Variants in VWC2L observed in about 807,000 individuals in gnomAD.
VWC2L encodes von Willebrand factor C domain-containing protein 2-like.
VWC2L carries 10 observed loss-of-function variants against 21.6 expected under a neutral mutation model. That is an observed-to-expected ratio of 0.46 (90% CI 0.29 to 0.78). VWC2L has a LOEUF of 0.78. Among genes scored for constraint, VWC2L ranks in the 30% least tolerant of loss-of-function variants. VWC2L has a pLI of 0.10. For missense variants in VWC2L, 209 were observed against 277.1 expected (o/e 0.75, Z 1.74); for synonymous variants, 96 against 94.3 (o/e 1.02, Z -0.10).
chr2:214,507,291 T>G (rs1344138140), intron 3 of VWC2L, among the ~76,000 whole-genome samples: 2 of 152,212 alleles, frequency 1.3e-5, no homozygotes, highest in Non-Finnish European at 2.9e-5. Flanking sequence ...CATAATCAGA[T>G]AGTTTAATTT....
At chr2:214,560,755 G>T (rs539700481) in intron 3 of VWC2L, among the ~76,000 whole-genome samples, 1 of 152,056 alleles carries the variant, frequency 6.6e-6, no homozygotes, top group Non-Finnish European at 1.5e-5. Flanking sequence ...AAATGGTTCC[G>T]AATGCCAAGT....
intron 3 of VWC2L, among the ~76,000 whole-genome samples, chr2:214,555,657 G>C (rs866653478): frequency 1.3e-5 from 2 of 152,160 alleles, no homozygotes; most frequent in Non-Finnish European, 2.9e-5. Flanking sequence ...CCTGATCGCT[G>C]TTGTCTCTAC....
At chr2:214,552,934 T>G (rs993604970) in intron 3 of VWC2L, among the ~76,000 whole-genome samples, 23 of 152,224 alleles carry the variant, frequency 1.5e-4, no homozygotes, top group Non-Finnish European at 8.8e-5. Flanking sequence ...CTCTTTTATA[T>G]TTCTCTTCTC....
At chr2:214,503,894 A>C (rs1166374129) in intron 3 of VWC2L, among the ~76,000 whole-genome samples, 2 of 152,214 alleles carry the variant, frequency 1.3e-5, no homozygotes, top group Non-Finnish European at 2.9e-5. Flanking sequence ...TTGGCTCTGT[A>C]ATCAGCAGCT....
chr2:214,516,487 G>C (rs1347851357), intron 3 of VWC2L, among the ~76,000 whole-genome samples: 1 of 152,102 alleles, frequency 6.6e-6, no homozygotes, highest in African/African-American at 2.4e-5. Context: ...AGGCAGTTTT[G>C]TCACAATTTA....
At position 214,544,552 on chromosome 2, in the gene VWC2L, A is replaced by G. The variant is rs150679947; in HGVS notation, c.521-31120A>G. On this transcript the variant is annotated intron_variant, in intron 3 of 3. Transcript: ENST00000312504. Reference sequence around the variant, plus strand: ...ACTGGTACGCTTGTTACTCCCTGATATAGGATGCCATCCTCATTATAGGAT... The same window carrying G: ...ACTGGTACGCTTGTTACTCCCTGATGTAGGATGCCATCCTCATTATAGGAT... Among the ~76,000 whole-genome samples, 565 of 152,224 alleles carry G rather than the reference A, an allele frequency of 3.7e-3. 2 individuals carry two copies. The highest frequency in any genetic ancestry group is 0.013 in the African/African-American group (525 of 41,530).
chr2:214,517,504 G>A (rs1182320535), intron 3 of VWC2L, among the ~76,000 whole-genome samples: 2 of 152,164 alleles, frequency 1.3e-5, no homozygotes, highest in Non-Finnish European at 2.9e-5. Flanking sequence ...ATGAGATCCA[G>A]GTGTCAGTAT....
intron 3 of VWC2L, among the ~76,000 whole-genome samples, chr2:214,531,634 C>T (rs1179046525): frequency 6.6e-6 from 1 of 152,030 alleles, no homozygotes; most frequent in Non-Finnish European, 1.5e-5. Flanking sequence ...GAAGTGGTTT[C>T]CTTCACATTA....
chr2:214,558,540 C>A (rs1396820717), intron 3 of VWC2L, among the ~76,000 whole-genome samples: 1 of 152,212 alleles, frequency 6.6e-6, no homozygotes, highest in Non-Finnish European at 1.5e-5. Flanking sequence ...CACATTCAGT[C>A]TACCACCAAC....
Position 214,419,951 on chromosome 2 carries a change from C to T in VWC2L, c.390+5368C>T, listed in dbSNP as rs1306612868. Among the ~76,000 whole-genome samples the T allele has an allele frequency of 2.6e-5, 4 of 151,968 alleles. No homozygotes were observed. In the South Asian group the frequency reaches 6.2e-4, roughly 24 times the overall value. Reference sequence around the variant, plus strand: ...GCGGGCACCTCTAGTCCCAGCTACTCGGGAGGCTGAGGCAGGAGAATCGCT... The same window carrying T: ...GCGGGCACCTCTAGTCCCAGCTACTTGGGAGGCTGAGGCAGGAGAATCGCT... On this transcript the variant is annotated intron_variant, in intron 2 of 3. Transcript: ENST00000312504.
intron 3 of VWC2L, among the ~76,000 whole-genome samples, chr2:214,563,736 C>T (rs1244229747): frequency 6.6e-6 from 1 of 151,932 alleles, no homozygotes; most frequent in Non-Finnish European, 1.5e-5. Context: ...CAATATTACA[C>T]TAAATGGGCA....
intron 3 of VWC2L, among the ~76,000 whole-genome samples, chr2:214,475,885 G>T (rs1394567167): frequency 1.3e-5 from 2 of 152,132 alleles, no homozygotes; most frequent in Non-Finnish European, 2.9e-5. Flanking sequence ...CATGCCCAAG[G>T]TCACATTGAT....
chr2:214,558,305 C>T (rs1689906333), intron 3 of VWC2L, among the ~76,000 whole-genome samples: 1 of 152,168 alleles, frequency 6.6e-6, no homozygotes, highest in Admixed American at 6.5e-5. Context: ...CTCATTCACT[C>T]CCCTGAATTC....
intron 3 of VWC2L, among the ~76,000 whole-genome samples, chr2:214,451,489 G>C (rs1702954339): frequency 6.6e-6 from 1 of 152,086 alleles, no homozygotes; most frequent in Non-Finnish European, 1.5e-5. Flanking sequence ...CTCAGTAGGG[G>C]CAAAGGCAAG....
intron 2 of VWC2L, among the ~76,000 whole-genome samples, chr2:214,426,957 AAAGAAGTATGCTTCT>A (rs1341459225): frequency 6.6e-6 from 1 of 152,218 alleles, no homozygotes; most frequent in African/African-American, 2.4e-5. Flanking sequence ...CCCACTGTCA[AAAGAAGTATGCTTCT>A]AAGGCACATT....
intron 3 of VWC2L, among the ~76,000 whole-genome samples, chr2:214,565,883 A>G (rs1319880875): frequency 1.3e-5 from 2 of 152,142 alleles, no homozygotes; most frequent in Non-Finnish European, 2.9e-5. Context: ...GACTGCTGAC[A>G]TTGGGTTCAT....
At chr2:214,447,589 C>A (rs1484552540) in intron 3 of VWC2L, among the ~76,000 whole-genome samples, 2 of 152,128 alleles carry the variant, frequency 1.3e-5, no homozygotes, top group African/African-American at 4.8e-5. Context: ...TTTTGTGTAA[C>A]CTTTGTGCAG....
At chr2:214,496,804 G>A (rs1390552382) in intron 3 of VWC2L, among the ~76,000 whole-genome samples, 4 of 152,146 alleles carry the variant, frequency 2.6e-5, no homozygotes, top group African/African-American at 7.2e-5. Context: ...ATTCTCACCA[G>A]ACGCTTGGTT....
At chr2:214,448,696 A>C (rs1702909905) in intron 3 of VWC2L, among the ~76,000 whole-genome samples, 1 of 152,340 alleles carries the variant, frequency 6.6e-6, no homozygotes, top group Admixed American at 6.5e-5. Flanking sequence ...TACATTACCC[A>C]GTATCATTCT....
Sources: allele counts gnomAD v4.1 joint callset (sites outside exome capture counted in the v4.1 genomes callset), GRCh38; gene constraint gnomAD v4.1.1; transcripts MANE v1.5; gene names NCBI Gene and HGNC (gene_info 2026-07-23, HGNC 2026-07-21).